The following CCDC83 variants were observed in gnomAD, a reference collection of about 807,000 sequenced individuals.
CCDC83 encodes coiled-coil domain-containing protein 83.
A neutral mutation model predicts 50.1 loss-of-function variants in CCDC83; 54 were observed. The observed-to-expected ratio is 1.08, with a 90% confidence interval of 0.87 to 1.35. CCDC83 has a LOEUF of 1.35. Among genes scored for constraint, CCDC83 ranks in the 40% most tolerant of loss-of-function variants. The pLI, the probability that CCDC83 is intolerant of heterozygous loss-of-function variation, is 0.00. For synonymous variants in CCDC83, 161 were observed against 153.3 expected (o/e 1.05, Z -0.37); for missense variants, 518 against 473.9 (o/e 1.09, Z -0.86).
intron 1 of CCDC83, among the ~76,000 whole-genome samples, chr11:85,863,624 T>C (rs2093190360): frequency 6.6e-6 from 1 of 152,218 alleles, no homozygotes; most frequent in Non-Finnish European, 1.5e-5. Flanking sequence ...GCAGGCAGCA[T>C]GTCTACAGAG....
chr11:85,898,080 C>A (rs2135090739), intron 6 of CCDC83, among the ~76,000 whole-genome samples: 1 of 151,950 alleles, frequency 6.6e-6, no homozygotes, highest in Non-Finnish European at 1.5e-5. Context: ...ATCTCTTGAA[C>A]CCAGGAGCAG....
At chr11:85,865,759 G>A (rs961413750) in intron 2 of CCDC83, among the ~76,000 whole-genome samples, 7 of 152,018 alleles carry the variant, frequency 4.6e-5, no homozygotes, top group Admixed American at 2.6e-4. Context: ...ATGGTGGCGC[G>A]TGCCTGTAAT....
At chr11:85,911,191 A>G in intron 7 of CCDC83, 90 bp from the exon 8 acceptor site, 1 of 1,114,790 alleles carries the variant, frequency 9.0e-7, no homozygotes, top group Admixed American at 3.0e-5. Context: ...AAAAAAAAAA[A>G]AGAAAGAAAA....
At chr11:85,900,845 G>T (rs185834582) in intron 7 of CCDC83, among the ~76,000 whole-genome samples, 1 of 151,826 alleles carries the variant, frequency 6.6e-6, no homozygotes, top group African/African-American at 2.4e-5. Flanking sequence ...AGGGCAGATC[G>T]CTTGAGGCCA....
chr11:85,887,084 G>A lies in CCDC83; in HGVS notation c.511+717G>A, dbSNP rs11823615. ...CAGGCTGGATAGCCAGAATCATCAT[G>A]GAGAAACGTCAAAGTCAATTAAGTT... On this transcript the variant is annotated intron_variant, in intron 5 of 10. Transcript: ENST00000342404. 8.8e-3 allele frequency among the ~76,000 whole-genome samples: 1,335 copies of A among 152,278 alleles called. 15 individuals carry two copies. Among genetic ancestry groups the A allele is most frequent in the African/African-American group, 0.029 (1,221 of 41,550 alleles).
intron 6 of CCDC83, among the ~76,000 whole-genome samples, chr11:85,897,183 C>T (rs2093379663): frequency 1.3e-5 from 2 of 152,142 alleles, no homozygotes; most frequent in Admixed American, 6.5e-5. Flanking sequence ...ATCGTGAGGA[C>T]TATTCTAAAT....
At chr11:85,862,448 T>C (rs976450385) in intron 1 of CCDC83, among the ~76,000 whole-genome samples, 1 of 152,216 alleles carries the variant, frequency 6.6e-6, no homozygotes, top group Non-Finnish European at 1.5e-5. Context: ...CAATGAATTT[T>C]AAAGCTGCTC....
chr11:85,883,559 T>G (rs2093312168), intron 4 of CCDC83, among the ~76,000 whole-genome samples: 1 of 152,130 alleles, frequency 6.6e-6, no homozygotes, highest in Non-Finnish European at 1.5e-5. Context: ...ACCATGGTAC[T>G]GAGGGTAAAT....
chr11:85,901,810 C>T (rs1427562536), intron 7 of CCDC83, among the ~76,000 whole-genome samples: 1 of 151,730 alleles, frequency 6.6e-6, no homozygotes, highest in Non-Finnish European at 1.5e-5. Context: ...GGGAGGATTG[C>T]TAGAGCCCAG....
At chr11:85,872,173 G>A (rs1035030502) in intron 2 of CCDC83, among the ~76,000 whole-genome samples, 2 of 152,046 alleles carry the variant, frequency 1.3e-5, no homozygotes, top group African/African-American at 4.8e-5. Context: ...GCCTGGTCTG[G>A]AACTCCTGTC....
chr11:85,855,114 A>T (rs55836023), upstream of CCDC83: 1 of 152,184 alleles, frequency 6.6e-6, no homozygotes, highest in Non-Finnish European at 1.5e-5. Flanking sequence ...TGCAGGGCGC[A>T]GCAGCCGCTG....
At chr11:85,892,226 A>G (rs7121906) in intron 5 of CCDC83, among the ~76,000 whole-genome samples, 40,995 of 152,040 alleles carry the variant, frequency 0.27, 5,859 homozygotes, top group Middle Eastern at 0.29. Context: ...AAGGGACGCC[A>G]TTAGATGGGG....
At position 85,881,811 on chromosome 11, in the gene CCDC83, C is replaced by T. The variant is rs975102410; in HGVS notation, c.181-702C>T. ...GGTTTTTCTCTGACTGCTTTTAAGA[C>T]TTTTCCCTTGTATTTAGTTTTCAGA... On this transcript the variant is annotated intron_variant, in intron 3 of 10. Transcript: ENST00000342404. Among the ~76,000 whole-genome samples, 41 of 152,148 alleles carry T rather than the reference C, an allele frequency of 2.7e-4. 1 individual carries two copies. The highest frequency in any genetic ancestry group is 8.5e-4 in the Admixed American group (13 of 15,274).
chr11:85,879,908 G>A (rs527324420), intron 3 of CCDC83, among the ~76,000 whole-genome samples: 3 of 152,208 alleles, frequency 2.0e-5, no homozygotes, highest in South Asian at 2.1e-4. Context: ...GAGCCACCGC[G>A]CCCTGCCTTG....
chr11:85,898,757 T>C (rs2093386836), intron 6 of CCDC83, among the ~76,000 whole-genome samples, 190 bp from the exon 7 acceptor site: 2 of 152,180 alleles, frequency 1.3e-5, no homozygotes, highest in Admixed American at 1.3e-4. Flanking sequence ...TAATAGACAG[T>C]GTAAAACAGC....
Position 85,915,495 on chromosome 11 carries a change from A to G in CCDC83, c.871A>G (p.Ile291Val). 1 of 1,600,338 alleles carries G rather than the reference A, an allele frequency of 6.2e-7. No individual in the cohort carries two copies. The highest frequency in any genetic ancestry group is 8.5e-7 in the Non-Finnish European group (1 of 1,170,498). Reference sequence around the variant, plus strand: ...GTCTTTGGAATTGCCAGAAACACATATAGGTATTACTTTATTGCAATAATG... The same window carrying G: ...GTCTTTGGAATTGCCAGAAACACATGTAGGTATTACTTTATTGCAATAATG... The part of the protein sequence containing the change: ...EMSLELPETH[I>V]EEKSELQPTE... Residue 291 changes from isoleucine to valine, a missense_variant, in exon 9 of 11, where the codon ATA (isoleucine) becomes GTA (valine). By Grantham distance (29) the Ile-to-Val change is conservative. Transcript: ENST00000342404.
In CCDC83 at chr11:85,871,059, G is replaced by C. The variant is rs191583039; in HGVS notation, c.96-2152G>C. ...GCGTGTGCCTGTAATCCCAGTTACT[G>C]GGGAGGCTGAGGTGGGACAAGCGCT... On this transcript the variant is annotated intron_variant, in intron 2 of 10. Coordinates refer to ENST00000342404, the MANE Select transcript of CCDC83 (RefSeq NM_001286159.2). Among the ~76,000 whole-genome samples, 48 of 152,056 alleles carry C rather than the reference G, an allele frequency of 3.2e-4. No homozygotes were observed. In the East Asian group the frequency reaches 8.9e-3, roughly 28 times the overall value.
intron 5 of CCDC83, among the ~76,000 whole-genome samples, chr11:85,891,604 T>TTAAAAA (rs1337782315): frequency 6.6e-6 from 1 of 152,176 alleles, no homozygotes; most frequent in Admixed American, 6.5e-5. Flanking sequence ...CTTTGTACAC[T>TTAAAAA]AACAGTGAAT....
intron 6 of CCDC83, 38 bp downstream of exon 6, chr11:85,895,422 C>A: frequency 7.9e-7 from 1 of 1,258,070 alleles, no homozygotes; most frequent in African/African-American, 1.5e-5. Flanking sequence ...ACAAAACAAA[C>A]ATTTTCCCCC....
Sources: gnomAD v4.1 joint callset for allele counts (sites outside exome capture counted in the v4.1 genomes callset) on GRCh38, gnomAD v4.1.1 for gene constraint, MANE v1.5 for transcripts, NCBI Gene and HGNC (gene_info 2026-07-23, HGNC 2026-07-21) for gene names.